SCHIP1: variants seen among roughly 807,000 people sequenced by gnomAD.
SCHIP1 encodes the protein schwannomin interacting protein 1.
In SCHIP1, 8 loss-of-function variants were observed where a neutral mutation model predicts 29.7. The observed-to-expected ratio is 0.27, with a 90% CI of 0.16 to 0.49. SCHIP1 has a LOEUF of 0.49. Among genes scored for constraint, SCHIP1 ranks in the 20% least tolerant of loss-of-function variants. The pLI is 0.99. For missense variants in SCHIP1, 193 were observed against 294.6 expected (o/e 0.66, Z 2.52); for synonymous variants, 76 against 94.9 (o/e 0.80, Z 1.16).
chr3:159,368,470 A>G, the SCHIP1 span, among the ~76,000 whole-genome samples: 34 of 152,300 alleles, frequency 2.2e-4, no homozygotes, highest in Admixed American at 2.0e-3. Context: ...CAGTCAGAAG[A>G]CCTATGCTTA....
the SCHIP1 span, among the ~76,000 whole-genome samples, chr3:159,355,721 C>T: frequency 6.6e-6 from 1 of 151,924 alleles, no homozygotes; most frequent in South Asian, 2.1e-4. Context: ...CCTGTGGTTA[C>T]CAAGTCTCTG....
At chr3:159,354,893 G>A in the SCHIP1 span, among the ~76,000 whole-genome samples, 85 of 152,226 alleles carry the variant, frequency 5.6e-4, 1 homozygote, top group Non-Finnish European at 7.8e-4. Flanking sequence ...GAAAAGAACC[G>A]CAGAAAGCAA....
chr3:159,277,156 A>T, the SCHIP1 span, among the ~76,000 whole-genome samples: 1 of 152,142 alleles, frequency 6.6e-6, no homozygotes, highest in Non-Finnish European at 1.5e-5. Flanking sequence ...GGCAGGAAAA[A>T]AAAACCCCAC....
chr3:159,379,919 G>T, the SCHIP1 span, among the ~76,000 whole-genome samples: 1 of 152,126 alleles, frequency 6.6e-6, no homozygotes, highest in Admixed American at 6.5e-5. Flanking sequence ...GAATGCTGTG[G>T]CCCATTTGAA....
chr3:159,446,266 A>G, the SCHIP1 span, among the ~76,000 whole-genome samples: 1 of 152,126 alleles, frequency 6.6e-6, no homozygotes, highest in African/African-American at 2.4e-5. Flanking sequence ...TTATAATGGT[A>G]TCTCTCAGGC....
chr3:159,321,774 C>G, the SCHIP1 span, among the ~76,000 whole-genome samples: 5 of 151,840 alleles, frequency 3.3e-5, no homozygotes, highest in Non-Finnish European at 7.4e-5. Context: ...TCATCACCTA[C>G]GCAGGTAAAG....
In SCHIP1 at chr3:159,857,333, G is replaced by A. The variant is rs1206157242; in HGVS notation, c.31-8830G>A. Among the ~76,000 whole-genome samples, 4 of 152,196 alleles carry A rather than the reference G, an allele frequency of 2.6e-5. No homozygotes were observed. In the East Asian group the frequency reaches 7.7e-4, roughly 29 times the overall value. On this transcript the variant is annotated intron_variant, in intron 1 of 6. Transcript: ENST00000445224. ...CACACATGTCCCCTTCCATGTCATG[G>A]TCATCTTCTACAGCACTCTCTACTT...
chr3:159,434,773 G>A, the SCHIP1 span, among the ~76,000 whole-genome samples: 3 of 152,124 alleles, frequency 2.0e-5, no homozygotes, highest in Non-Finnish European at 4.4e-5. Context: ...GTTGCAAGAG[G>A]AAAAAGTAGT....
At chr3:159,602,835 T>C in the SCHIP1 span, among the ~76,000 whole-genome samples, 1 of 152,156 alleles carries the variant, frequency 6.6e-6, no homozygotes, top group Admixed American at 6.5e-5. Flanking sequence ...CACAGAAGAC[T>C]TCTGTGACCA....
chr3:159,475,556 A>G, the SCHIP1 span, among the ~76,000 whole-genome samples: 1 of 152,144 alleles, frequency 6.6e-6, no homozygotes, highest in Non-Finnish European at 1.5e-5. Flanking sequence ...TGTATGTTTT[A>G]AAAATAGTGA....
chr3:159,280,845 T>C, the SCHIP1 span, among the ~76,000 whole-genome samples: 2 of 152,280 alleles, frequency 1.3e-5, no homozygotes, highest in East Asian at 3.9e-4. Context: ...GCCAGGCCTA[T>C]CTTCCAGTGT....
At chr3:159,622,789 G>A in the SCHIP1 span, among the ~76,000 whole-genome samples, 298 of 152,110 alleles carry the variant, frequency 2.0e-3, 1 homozygote, top group African/African-American at 6.9e-3. Context: ...CATGATGGTG[G>A]GCCCAGTAGT....
At chr3:159,575,153 T>C in the SCHIP1 span, among the ~76,000 whole-genome samples, 2 of 152,194 alleles carry the variant, frequency 1.3e-5, no homozygotes, top group African/African-American at 4.8e-5. Context: ...GGTACCTCAG[T>C]TGGAAATGCA....
intron 1 of SCHIP1, among the ~76,000 whole-genome samples, chr3:159,860,320 T>G: frequency 6.6e-6 from 1 of 152,204 alleles, no homozygotes; most frequent in East Asian, 1.9e-4. Flanking sequence ...GTGAGGCTTC[T>G]TAACCTTAGA....
At chr3:159,742,942 C>T in the SCHIP1 span, among the ~76,000 whole-genome samples, 1 of 151,576 alleles carries the variant, frequency 6.6e-6, no homozygotes, top group African/African-American at 2.4e-5. Flanking sequence ...ACACCTCGGC[C>T]TCCCAAAGTG....
chr3:159,446,155 T>A, the SCHIP1 span, among the ~76,000 whole-genome samples: 1 of 152,006 alleles, frequency 6.6e-6, no homozygotes, highest in Non-Finnish European at 1.5e-5. Flanking sequence ...GTATATGGGG[T>A]GCTACCAACT....
the SCHIP1 span, among the ~76,000 whole-genome samples, chr3:159,774,202 A>G: frequency 5.4e-5 from 1 of 18,390 alleles, no homozygotes; most frequent in African/African-American, 1.5e-4. Context: ...GATAGTTGTA[A>G]TAATAATCAT....
chr3:159,859,486 A>G (rs1001421392), intron 1 of SCHIP1, among the ~76,000 whole-genome samples: 6 of 152,206 alleles, frequency 3.9e-5, no homozygotes, highest in African/African-American at 1.4e-4. Context: ...CCACTTTCCT[A>G]AAGGAAGAGT....
the SCHIP1 span, among the ~76,000 whole-genome samples, chr3:159,468,123 A>T: frequency 6.6e-6 from 1 of 152,138 alleles, no homozygotes; most frequent in East Asian, 1.9e-4. Flanking sequence ...TGTAATTCTC[A>T]GATTTATCAT....
Sources: gnomAD v4.1 joint callset for allele counts (sites outside exome capture counted in the v4.1 genomes callset) on GRCh38, gnomAD v4.1.1 for gene constraint, MANE v1.5 for transcripts, NCBI Gene and HGNC (gene_info 2026-07-23, HGNC 2026-07-21) for gene names.